Variants in SYT2 observed in about 807,000 individuals in gnomAD.
The protein encoded by SYT2 is synaptotagmin 2, also known as synaptotagmin-2.
Under a neutral mutation model 39.9 loss-of-function variants are expected in SYT2, and 15 were observed. The observed-to-expected ratio is 0.38, with a 90% CI of 0.25 to 0.58. SYT2 has a LOEUF of 0.58. Ranked by LOEUF, SYT2 falls within the 20% of genes least tolerant of loss-of-function variation. The pLI is 0.70. For missense variants in SYT2, 389 were observed against 530.3 expected (o/e 0.73, Z 2.62); for synonymous variants, 181 against 204.5 (o/e 0.89, Z 0.98).
chr1:202,655,232 A>G (rs1444158060), intron 1 of SYT2, among the ~76,000 whole-genome samples: 1 of 152,084 alleles, frequency 6.6e-6, no homozygotes, highest in Non-Finnish European at 1.5e-5. Context: ...AAGGAGGTTG[A>G]AGCTGAAGGG....
intron 1 of SYT2, chr1:202,627,557 C>T (rs1436471431): frequency 2.0e-6 from 2 of 985,154 alleles, no homozygotes; most frequent in African/African-American, 3.5e-5. Context: ...TATAGGTAGG[C>T]AGGCCCATGG....
chr1:202,689,119 C>G (rs1653754372), intron 1 of SYT2, among the ~76,000 whole-genome samples: 1 of 152,156 alleles, frequency 6.6e-6, no homozygotes, highest in African/African-American at 2.4e-5. Flanking sequence ...AGGGATCGCT[C>G]TCCTCCCTGC....
At chr1:202,619,524 G>A (rs542742938) in intron 1 of SYT2, among the ~76,000 whole-genome samples, 1 of 152,280 alleles carries the variant, frequency 6.6e-6, no homozygotes, top group Non-Finnish European at 1.5e-5. Context: ...AAGACCCCCT[G>A]GGGAATTTGT....
chr1:202,626,402 T>TG (rs1352685725), intron 1 of SYT2, among the ~76,000 whole-genome samples: 3 of 134,904 alleles, frequency 2.2e-5, no homozygotes, highest in African/African-American at 8.3e-5. Flanking sequence ...TCTCAGCTTT[T>TG]TTTTTTTTTT....
intron 1 of SYT2, chr1:202,632,223 T>C: frequency 2.5e-6 from 1 of 402,974 alleles, no homozygotes; most frequent in Non-Finnish European, 3.4e-6. Context: ...AGAAGGGAAA[T>C]AGCCCAGTTC....
intron 1 of SYT2, among the ~76,000 whole-genome samples, chr1:202,681,909 G>T (rs1653536268): frequency 6.6e-6 from 1 of 152,210 alleles, no homozygotes; most frequent in African/African-American, 2.4e-5. Flanking sequence ...CCTCCGTGGG[G>T]ATCAGATCCA....
At chr1:202,611,500 C>T (rs1330680073) in intron 1 of SYT2, among the ~76,000 whole-genome samples, 2 of 151,550 alleles carry the variant, frequency 1.3e-5, no homozygotes, top group Non-Finnish European at 2.9e-5. Context: ...TTGTTATAGG[C>T]GCTCACCACC....
intron 1 of SYT2, among the ~76,000 whole-genome samples, chr1:202,626,404 T>C (rs988150378): frequency 7.3e-6 from 1 of 136,978 alleles, no homozygotes; most frequent in Non-Finnish European, 1.6e-5. Flanking sequence ...TCAGCTTTTT[T>C]TTTTTTTTTT....
chr1:202,692,729 C>T (rs1028699784), intron 1 of SYT2, among the ~76,000 whole-genome samples: 1 of 152,144 alleles, frequency 6.6e-6, no homozygotes, highest in African/African-American at 2.4e-5. Flanking sequence ...TGTTATACAA[C>T]ACTAGTTTTC....
chr1:202,601,922 ACTC>A lies in SYT2; in HGVS notation c.766_768del (p.Glu256del), dbSNP rs1690517771. On this transcript the variant is annotated inframe_deletion, in exon 6 of 9. Coordinates refer to ENST00000367268, the MANE Select transcript of SYT2 (RefSeq NM_177402.5). This position sits in a 1 kb window ranked among gnomAD's most constrained non-coding sequence, Gnocchi z 4.0. Reference sequence around the variant, plus strand: ...TTTTCCCCGCCTTGCAGGTCTCTCCACTCCTCAATGGGCTGGCCGAGGTCCACT... The same window carrying A: ...TTTTCCCCGCCTTGCAGGTCTCTCCACTCAATGGGCTGGCCGAGGTCCACT... 3 of 1,613,386 alleles carry A rather than the reference ACTC, an allele frequency of 1.9e-6. No homozygotes were observed. Among genetic ancestry groups the A allele is most frequent in the Non-Finnish European group, 1.7e-6 (2 of 1,179,822 alleles).
chr1:202,599,203 C>A lies in SYT2; in HGVS notation c.1053+15G>T. 6.2e-7 allele frequency: 1 copy of A among 1,612,734 alleles called. No individual in the cohort carries two copies. Among genetic ancestry groups the A allele is most frequent in the South Asian group, 1.1e-5 (1 of 90,782 alleles). ...CAAACCCTGCTCCATGCCTAGGAAC[C>A]CAGGGCTCCAGCACCTGAATCTGCT... On this transcript the variant is annotated intron_variant, in intron 8 of 8. Coordinates refer to ENST00000367268, the MANE Select transcript of SYT2 (RefSeq NM_177402.5). This position sits in a 1 kb window ranked among gnomAD's most constrained non-coding sequence, Gnocchi z 4.4.
intron 1 of SYT2, among the ~76,000 whole-genome samples, chr1:202,608,029 A>C (rs1192948259): frequency 6.6e-6 from 1 of 152,212 alleles, no homozygotes; most frequent in Non-Finnish European, 1.5e-5. Flanking sequence ...CTCAAAAAGA[A>C]ACCCAGTCCC....
intron 1 of SYT2, among the ~76,000 whole-genome samples, chr1:202,608,168 G>A (rs1413774065): frequency 6.6e-6 from 1 of 152,078 alleles, no homozygotes; most frequent in Non-Finnish European, 1.5e-5. Flanking sequence ...TGGTCTTTGT[G>A]ACTGGCTTCT....
At position 202,601,517 on chromosome 1, in the gene SYT2, A is replaced by T. The variant is rs1690503193; in HGVS notation, c.801+373T>A. 6.6e-6 allele frequency among the ~76,000 whole-genome samples: 1 copy of T among 152,252 alleles called. No individual in the cohort carries two copies. The highest frequency in any genetic ancestry group is 2.1e-4 in the South Asian group (1 of 4,832). ...CCTTTGCTGAGTATCCTTTAGAACAAACATGAGCTTTTCTTGTGGGTGAAC... is the reference window on the plus strand; with the variant it reads ...CCTTTGCTGAGTATCCTTTAGAACATACATGAGCTTTTCTTGTGGGTGAAC... On this transcript the variant is annotated intron_variant, in intron 6 of 8. Coordinates refer to ENST00000367268, the MANE Select transcript of SYT2 (RefSeq NM_177402.5). This position sits in a 1 kb window ranked among gnomAD's most constrained non-coding sequence, Gnocchi z 4.0.
At chr1:202,624,939 T>C (rs148638021) in intron 1 of SYT2, among the ~76,000 whole-genome samples, 1 of 148,940 alleles carries the variant, frequency 6.7e-6, no homozygotes, top group African/African-American at 2.5e-5. Context: ...TGTGGTGTGT[T>C]TGTGTAGTGT....
chr1:202,630,676 A>C (rs1356249413), intron 1 of SYT2, among the ~76,000 whole-genome samples: 1 of 152,172 alleles, frequency 6.6e-6, no homozygotes, highest in Non-Finnish European at 1.5e-5. Context: ...CTGGCTCCAG[A>C]GACGCCATCA....
At chr1:202,652,059 T>A (rs1298803823) in intron 1 of SYT2, among the ~76,000 whole-genome samples, 3 of 152,146 alleles carry the variant, frequency 2.0e-5, no homozygotes, top group African/African-American at 7.2e-5. Context: ...TCCGTCTAAG[T>A]AAGTCACACA....
chr1:202,642,222 G>A (rs1287737077), intron 1 of SYT2, among the ~76,000 whole-genome samples: 3 of 152,134 alleles, frequency 2.0e-5, no homozygotes, highest in Admixed American at 6.5e-5. Context: ...CTGGGGCGCT[G>A]CGTTCACAGC....
At chr1:202,624,509 G>A (rs1691296728) in intron 1 of SYT2, among the ~76,000 whole-genome samples, 1 of 150,100 alleles carries the variant, frequency 6.7e-6, no homozygotes, top group African/African-American at 2.5e-5. Flanking sequence ...TGTGTATGGT[G>A]TGTGTCTGTG....
Sources: allele counts gnomAD v4.1 joint callset (sites outside exome capture counted in the v4.1 genomes callset), GRCh38; gene constraint gnomAD v4.1.1; non-coding constraint Gnocchi (gnomAD v3.1); transcripts MANE v1.5; gene names NCBI Gene and HGNC (gene_info 2026-07-23, HGNC 2026-07-21).